The following RAG1 variants were observed in gnomAD, a reference collection of about 807,000 sequenced individuals.
RAG1 encodes the protein V(D)J recombination-activating protein 1.
RAG1 carries 35 observed loss-of-function variants against 62.7 expected under a neutral mutation model. The ratio of observed to expected loss-of-function variants is 0.56; its 90% CI spans 0.43 to 0.74. RAG1 has a LOEUF of 0.74. Among genes scored for constraint, RAG1 ranks in the 30% least tolerant of loss-of-function variants. The pLI is 0.00. For synonymous variants in RAG1, 461 were observed against 470.3 expected (o/e 0.98, Z 0.26); for missense variants, 1,169 against 1,278.6 (o/e 0.91, Z 1.31).
chr11:36,526,740 T>C (rs988178240), intron 2 of RAG1, among the ~76,000 whole-genome samples: 1 of 152,140 alleles, frequency 6.6e-6, no homozygotes, highest in Non-Finnish European at 1.5e-5. Context: ...CTCTCCAGCA[T>C]CTGTTGTTTC....
At chr11:36,572,026 C>T (rs1850755422) in intron 1 of RAG1, among the ~76,000 whole-genome samples, 1 of 152,164 alleles carries the variant, frequency 6.6e-6, no homozygotes, top group South Asian at 2.1e-4. Flanking sequence ...TAACCCTTGC[C>T]CCTCCGTACC....
downstream of RAG1, among the ~76,000 whole-genome samples, chr11:36,536,563 T>C (rs1380093925): frequency 6.6e-6 from 1 of 152,134 alleles, no homozygotes; most frequent in East Asian, 1.9e-4. Flanking sequence ...ATTTGCTTTA[T>C]AAACATTAAT....
At chr11:36,512,234 C>T (rs191407769) in intron 1 of RAG1, among the ~76,000 whole-genome samples, 5 of 152,246 alleles carry the variant, frequency 3.3e-5, no homozygotes, top group Admixed American at 6.5e-5. Flanking sequence ...TAGGTCAAAG[C>T]GTTTTATTTT....
At chr11:36,514,191 T>C (rs1481415434) in intron 1 of RAG1, among the ~76,000 whole-genome samples, 1 of 152,214 alleles carries the variant, frequency 6.6e-6, no homozygotes, top group African/African-American at 2.4e-5. Context: ...GAAGTGGATC[T>C]TCCAGCCCCA....
downstream of RAG1, among the ~76,000 whole-genome samples, chr11:36,540,977 G>C (rs779456614): frequency 7.2e-5 from 11 of 152,166 alleles, no homozygotes; most frequent in Non-Finnish European, 1.3e-4. Context: ...CAAGGTGTGA[G>C]AAAAGAGGGA....
At position 36,576,326 on chromosome 11, in the gene RAG1, G is replaced by A; in HGVS notation, c.3022G>A (p.Ala1008Thr). The change falls in exon 2 of 2, where the codon GCT becomes ACT. Residue 1008 changes from alanine to threonine, a missense_variant. This residue lies in a region of RAG1 where 800 missense variants were observed against 943.3 expected (regional missense o/e 0.85). Coordinates refer to ENST00000299440, the MANE Select transcript of RAG1 (RefSeq NM_000448.3). ...TSKYLQKFMN[A>T]HNALKTSGFT... Reference sequence around the variant, plus strand: ...CAAATACCTCCAGAAGTTTATGAATGCTCATAATGCATTAAAAACCTCTGG... The same window carrying A: ...CAAATACCTCCAGAAGTTTATGAATACTCATAATGCATTAAAAACCTCTGG... 6.2e-7 allele frequency: 1 copy of A among 1,614,056 alleles called. No homozygotes were observed. Among genetic ancestry groups the A allele is most frequent in the Non-Finnish European group, 8.5e-7 (1 of 1,180,018 alleles).
chr11:36,574,188 T>C lies in RAG1; in HGVS notation c.884T>C (p.Ile295Thr). ...TTTGTGAAATCCATCTCCTGCCAGA[T>C]CTGTGAACACATTCTGGCTGACCCT... ...EHFVKSISCQ[I>T]CEHILADPVE... Residue 295 changes from isoleucine to threonine, a missense_variant, in exon 2 of 2, where the codon ATC (isoleucine) becomes ACC (threonine). Ile to Thr is a moderately conservative substitution (Grantham distance 89). Coordinates refer to ENST00000299440, the MANE Select transcript of RAG1 (RefSeq NM_000448.3). 4 of 1,614,214 alleles carry C rather than the reference T, an allele frequency of 2.5e-6. No individual in the cohort carries two copies. The highest frequency in any genetic ancestry group is 3.4e-6 in the Non-Finnish European group (4 of 1,180,032).
chr11:36,568,621 A>G (rs1179395232), intron 1 of RAG1, among the ~76,000 whole-genome samples: 1 of 152,198 alleles, frequency 6.6e-6, no homozygotes, highest in Non-Finnish European at 1.5e-5. Flanking sequence ...TAAAAATGCA[A>G]TTTCTGGATT....
chr11:36,514,423 TG>T (rs1454678469), intron 1 of RAG1, among the ~76,000 whole-genome samples: 1 of 152,256 alleles, frequency 6.6e-6, no homozygotes, highest in Non-Finnish European at 1.5e-5. Context: ...AGTGGATTTT[TG>T]GAAGACAGTT....
At chr11:36,535,959 G>A (rs927174118) in exon 3 of RAG1, 3 of 151,986 alleles carry the variant, frequency 2.0e-5, no homozygotes, top group Non-Finnish European at 4.4e-5. Flanking sequence ...TCTCTATCAG[G>A]CATTCATCTC....
In RAG1 at chr11:36,573,964, A is replaced by T; in HGVS notation, c.660A>T (p.Gly220=). 6.2e-7 allele frequency: 1 copy of T among 1,614,052 alleles called. No homozygotes were observed. Among genetic ancestry groups the T allele is most frequent in the Non-Finnish European group, 8.5e-7 (1 of 1,180,018 alleles). ...SCDICNTARR[G]LKRKSLQPNL... Reference sequence around the variant, plus strand: ...ACATCTGCAACACTGCCCGTCGGGGACTCAAGAGGAAGAGTCTTCAGCCAA... The same window carrying T: ...ACATCTGCAACACTGCCCGTCGGGGTCTCAAGAGGAAGAGTCTTCAGCCAA... Residue 220 remains glycine, a synonymous_variant, in exon 2 of 2, where the codon GGA becomes GGT. Transcript: ENST00000299440.
At chr11:36,534,290 T>G (rs16929016) in intron 2 of RAG1, among the ~76,000 whole-genome samples, 15,287 of 152,224 alleles carry the variant, frequency 0.1, 829 homozygotes, top group Non-Finnish European at 0.11. Flanking sequence ...GATCCTTGCT[T>G]TCATGAAAAG....
downstream of RAG1, among the ~76,000 whole-genome samples, chr11:36,537,755 T>TA (rs1431405298): frequency 6.6e-6 from 1 of 152,236 alleles, no homozygotes; most frequent in Non-Finnish European, 1.5e-5. Flanking sequence ...ACATCTTGAA[T>TA]AATGATTGCA....
intron 3 of RAG1, among the ~76,000 whole-genome samples, chr11:36,543,560 C>G (rs999849755): frequency 6.6e-6 from 1 of 152,232 alleles, no homozygotes; most frequent in Non-Finnish European, 1.5e-5. Context: ...GTTAGAAGTG[C>G]AGCTTGGGCA....
upstream of RAG1, among the ~76,000 whole-genome samples, chr11:36,565,424 T>A (rs1047647891): frequency 6.6e-5 from 10 of 152,134 alleles, no homozygotes; most frequent in Non-Finnish European, 1.2e-4. Flanking sequence ...AGGGAGCACA[T>A]TGCCTGGAGG....
In RAG1 at chr11:36,576,342, A is replaced by T. The variant is rs1850851418; in HGVS notation, c.3038A>T (p.Lys1013Ile). 3.1e-6 allele frequency: 5 copies of T among 1,614,062 alleles called. No homozygotes were observed. The highest frequency in any genetic ancestry group is 1.3e-5 in the African/African-American group (1 of 74,940). The change falls in exon 2 of 2, where the codon AAA becomes ATA. Residue 1013 changes from lysine to isoleucine, a missense_variant. Around this residue, in one of 2 missense-constraint regions of RAG1, gnomAD observed 800 missense variants for 943.3 expected, o/e 0.85. Coordinates refer to ENST00000299440, the MANE Select transcript of RAG1 (RefSeq NM_000448.3). ...TTTATGAATGCTCATAATGCATTAA[A>T]AACCTCTGGGTTTACCATGAACCCT... ...QKFMNAHNAL[K>I]TSGFTMNPQA...
upstream of RAG1, among the ~76,000 whole-genome samples, chr11:36,563,713 T>TAATTA (rs569208547): frequency 3.5e-4 from 53 of 152,326 alleles, no homozygotes; most frequent in Middle Eastern, 3.4e-3. Flanking sequence ...AGTTTAAACA[T>TAATTA]AATTAAATTA....
downstream of RAG1, among the ~76,000 whole-genome samples, chr11:36,540,754 T>C (rs566506233): frequency 2.0e-5 from 3 of 152,346 alleles, no homozygotes; most frequent in African/African-American, 7.2e-5. Context: ...TCTTTGTTCT[T>C]TGGACATACC....
At chr11:36,558,537 A>G (rs1322948878) in intron 3 of RAG1, among the ~76,000 whole-genome samples, 1 of 152,124 alleles carries the variant, frequency 6.6e-6, no homozygotes, top group Non-Finnish European at 1.5e-5. Context: ...ATCTGTTTTT[A>G]CAGTTTTGGA....
Sources: gnomAD v4.1 joint callset for allele counts (sites outside exome capture counted in the v4.1 genomes callset) on GRCh38, gnomAD v4.1.1 for gene constraint, gnomAD v4.1.1 regional missense constraint, MANE v1.5 for transcripts, NCBI Gene and HGNC (gene_info 2026-07-23, HGNC 2026-07-21) for gene names.